Variants in ZNF432 observed in about 807,000 individuals in gnomAD.
The protein encoded by ZNF432 is zinc finger protein 432.
A neutral mutation model predicts 13.9 loss-of-function variants in ZNF432; 10 were observed. The observed-to-expected ratio is 0.72, with a 90% CI of 0.44 to 1.22. ZNF432 has a LOEUF of 1.22. ZNF432 is among the 50% of genes most tolerant of loss of function. The pLI is 0.00. For missense variants in ZNF432, 793 were observed against 796.2 expected (o/e 1.00, Z 0.05); for synonymous variants, 247 against 256.2 (o/e 0.96, Z 0.34).
rs541279009 is a variant in ZNF432, at chr19:52,047,002, A to G, written c.-134T>C. The G allele has an allele frequency of 1.9e-5, 16 of 864,414 alleles. No individual in the cohort carries two copies. Among genetic ancestry groups the G allele is most frequent in the Non-Finnish European group, 2.6e-5 (15 of 568,368 alleles). The allele number at this position is 864,414 out of a possible 1,614,324, so 53.5% of individuals were successfully genotyped here. On this transcript the variant is annotated 5_prime_UTR_variant, in exon 2 of 5. Coordinates refer to ENST00000221315, the MANE Select transcript of ZNF432 (RefSeq NM_014650.4). ...CACAGAAATCATATCTAGGTCCTGG[A>G]ATCTTCCTCTTTCTTCATTTACTTC... is the stretch of plus-strand genomic sequence containing the variant.
chr19:52,036,432 A>C (rs1197500135), intron 4 of ZNF432, among the ~76,000 whole-genome samples: 3 of 152,240 alleles, frequency 2.0e-5, no homozygotes, highest in African/African-American at 7.2e-5. Context: ...GAGAGTGAGG[A>C]AAGTGAGGGC....
At chr19:52,045,459 C>T (rs1051763778) in intron 2 of ZNF432, among the ~76,000 whole-genome samples, 37 of 146,972 alleles carry the variant, frequency 2.5e-4, no homozygotes, top group Admixed American at 6.2e-4. Flanking sequence ...CGGATTCAAG[C>T]GATTCTCCTG....
Position 52,040,565 on chromosome 19 carries a change from G to T in ZNF432, c.161C>A (p.Pro54Gln). 6.2e-7 allele frequency: 1 copy of T among 1,614,078 alleles called. No homozygotes were observed. The highest frequency in any genetic ancestry group is 1.3e-5 in the African/African-American group (1 of 75,036). The change falls in exon 4 of 5, where the codon CCA (proline) becomes CAA (glutamine). Residue 54 changes from proline (P) to glutamine (Q), a missense_variant. Coordinates refer to ENST00000221315, the MANE Select transcript of ZNF432 (RefSeq NM_014650.4). ...LLSMGYQVSK[P>Q]DALSKLERGE... ...TCGTTCCAACTTGGAGAGTGCATCT[G>T]GTTTGCTGACTTGATAACCTGTTTA...
chr19:52,044,326 A>C (rs7251200), intron 2 of ZNF432, among the ~76,000 whole-genome samples: 35,576 of 152,008 alleles, frequency 0.23, 6,285 homozygotes, highest in African/African-American at 0.49. Context: ...AAAGCAAAAG[A>C]ACCTGTGGAA....
intron 2 of ZNF432, among the ~76,000 whole-genome samples, chr19:52,044,843 T>C (rs1253753331): frequency 6.6e-6 from 1 of 152,254 alleles, no homozygotes; most frequent in African/African-American, 2.4e-5. Flanking sequence ...AATGGAATTT[T>C]ATACAGTCAA....
Position 52,046,886 on chromosome 19 carries a change from A to C in ZNF432, c.-18T>G. On this transcript the variant is annotated 5_prime_UTR_variant, in exon 2 of 5. In the 5' UTR this introduces an upstream ATG that the reference lacks. Transcript: ENST00000221315. ...TTGATCATTTTCTTCTGTTGTGGGA[A>C]ATGGCCAGCACCTGGGATACTCTGT... 6.2e-7 allele frequency: 1 copy of C among 1,612,924 alleles called. No individual in the cohort carries two copies. Among genetic ancestry groups the C allele is most frequent in the Non-Finnish European group, 8.5e-7 (1 of 1,179,386 alleles).
chr19:52,034,154 C>G lies in ZNF432; in HGVS notation c.1525G>C (p.Gly509Arg), dbSNP rs1202240227. The change falls in exon 5 of 5, where the codon GGA becomes CGA. Residue 509 changes from glycine to arginine, a missense_variant. Transcript: ENST00000221315. ...GLMLHQRTHT[G>R]EKPYICNECG... ...TCATTGCATATGTACGGTTTCTCTC[C>G]AGTATGAGTTCGCTGATGTAACATC... The G allele has an allele frequency of 6.2e-7, 1 of 1,614,002 alleles. No individual in the cohort carries two copies. The highest frequency in any genetic ancestry group is 8.5e-7 in the Non-Finnish European group (1 of 1,180,018).
intron 4 of ZNF432, among the ~76,000 whole-genome samples, chr19:52,036,028 C>T (rs17696172): frequency 0.026 from 3,993 of 152,202 alleles, 69 homozygotes; most frequent in Non-Finnish European, 0.038. Flanking sequence ...GCAAAACATG[C>T]GGACACAGTA....
Position 52,033,639 on chromosome 19 carries a change from T to C in ZNF432, c.*81A>G, listed in dbSNP as rs1007540465. 4.1e-6 allele frequency: 6 copies of C among 1,455,722 alleles called. No homozygotes were observed. The highest frequency in any genetic ancestry group is 1.4e-5 in the South Asian group (1 of 71,196). 90.2% of individuals were successfully genotyped at this position (1,455,722 alleles called of 1,614,324 possible). ...TGATTTTTCATACTCAGTACACATG[T>C]AGAAAATCTATACTGTGAAATCTCT... is the stretch of plus-strand genomic sequence containing the variant. On this transcript the variant is annotated 3_prime_UTR_variant, in exon 5 of 5. Transcript: ENST00000221315.
chr19:52,043,113 A>G (rs1429752011), intron 2 of ZNF432, among the ~76,000 whole-genome samples: 6 of 152,174 alleles, frequency 3.9e-5, no homozygotes, highest in Non-Finnish European at 5.9e-5. Flanking sequence ...TTGAGGCAGG[A>G]AAGAGCTAGG....
At chr19:52,046,722 C>T (rs2087187038) in intron 2 of ZNF432, 132 bp downstream of exon 2, 1 of 880,706 alleles carries the variant, frequency 1.1e-6, no homozygotes, top group South Asian at 2.0e-5. Context: ...CACTATATTC[C>T]TGATCTTACT....
intron 2 of ZNF432, 48 bp downstream of exon 2, chr19:52,046,806 C>T (rs781420406): frequency 6.3e-7 from 1 of 1,593,340 alleles, no homozygotes; most frequent in Non-Finnish European, 8.6e-7. Context: ...CGGGTCTCTA[C>T]AAATCCACTA....
At chr19:52,037,198 C>A (rs1221421162) in intron 4 of ZNF432, among the ~76,000 whole-genome samples, 1 of 152,160 alleles carries the variant, frequency 6.6e-6, no homozygotes, top group African/African-American at 2.4e-5. Context: ...GAAATTAAGT[C>A]AACTGAGATA....
rs2087041652 is a variant in ZNF432 at position 52,033,953 on chromosome 19, T to C, written c.1726A>G (p.Arg576Gly). ...AGCTCTGTTTCCTTGGCAAAGCCTC[T>C]TCCACATTCACTACATATACAAGAT... is the stretch of plus-strand genomic sequence containing the variant. The part of the protein sequence containing the change: ...EKSCICSECG[R>G]GFAKETELAL... The change falls in exon 5 of 5, where the codon AGA (arginine) becomes GGA (glycine). Residue 576 changes from arginine to glycine, a missense_variant. Physicochemically the swap from Arg to Gly is moderately radical, Grantham distance 125. Transcript: ENST00000221315. 1 of 1,613,920 alleles carries C rather than the reference T, an allele frequency of 6.2e-7. No homozygotes were observed.
chr19:52,040,658 T>A, intron 3 of ZNF432, 75 bp from the exon 4 acceptor site: 2 of 1,186,348 alleles, frequency 1.7e-6, no homozygotes, highest in Non-Finnish European at 2.5e-6. Flanking sequence ...ATGTTACATT[T>A]AAGTAACTAG....
At position 52,032,339 on chromosome 19, in the gene ZNF432, A is replaced by G. The variant is rs536630149; in HGVS notation, c.*1381T>C. ...AGTGATAAGAACAGCCCGCTTTACA[A>G]TTATGGAATCATTGATAATATGATG... On this transcript the variant is annotated 3_prime_UTR_variant, in exon 5 of 5. Transcript: ENST00000221315. 1 of 152,184 alleles carries G rather than the reference A, an allele frequency of 6.6e-6. No homozygotes were observed. The highest frequency in any genetic ancestry group is 2.1e-4 in the South Asian group (1 of 4,814). The allele number at this position is 152,184 out of a possible 1,614,324, so 9.4% of individuals were successfully genotyped here. A position where few individuals can be genotyped will look rare whatever the true frequency, so the allele number is the denominator to read the frequency against.
At chr19:52,044,132 T>C (rs1225490332) in intron 2 of ZNF432, among the ~76,000 whole-genome samples, 2 of 152,080 alleles carry the variant, frequency 1.3e-5, no homozygotes, top group Non-Finnish European at 2.9e-5. Context: ...CCCCATATAA[T>C]CACAGAGATT....
intron 2 of ZNF432, among the ~76,000 whole-genome samples, chr19:52,045,374 G>A (rs909012678): frequency 1.5e-4 from 11 of 73,306 alleles, no homozygotes; most frequent in African/African-American, 7.6e-4. Flanking sequence ...TTTTTTTTTC[G>A]AGACGGAGTT....
Position 52,035,371 on chromosome 19 carries a change from T to C in ZNF432, c.308A>G (p.Gln103Arg). The C allele has an allele frequency of 1.2e-6, 2 of 1,600,272 alleles. No homozygotes were observed. Among genetic ancestry groups the C allele is most frequent in the Middle Eastern group, 1.7e-4 (1 of 5,984 alleles). ...TCCAAATGCATTATGTTCATGGTAT[T>C]GTTCCACACTCTTCAGCATCCTTTG... Reference protein sequence around the residue: ...ENQRMLKSVEQYHEHNAFGNT... With the variant: ...ENQRMLKSVERYHEHNAFGNT... The change falls in exon 5 of 5, where the codon CAA (glutamine) becomes CGA (arginine). Residue 103 changes from glutamine (Q) to arginine (R), a missense_variant. Physicochemically the swap from Gln to Arg is conservative, Grantham distance 43. Coordinates refer to ENST00000221315, the MANE Select transcript of ZNF432 (RefSeq NM_014650.4).
Sources: allele counts gnomAD v4.1 joint callset (sites outside exome capture counted in the v4.1 genomes callset), GRCh38; gene constraint gnomAD v4.1.1; transcripts MANE v1.5; gene names NCBI Gene and HGNC (gene_info 2026-07-23, HGNC 2026-07-21).